Variants in UGT1A7 observed in about 807,000 individuals in gnomAD.
UGT1A7 encodes the protein UDP glucuronosyltransferase family 1 member A7, also known as UDP-glucuronosyltransferase 1A7.
In UGT1A7, 33 loss-of-function variants were observed where a neutral mutation model predicts 45.6. The ratio of observed to expected loss-of-function variants is 0.72; its 90% CI spans 0.55 to 0.97. The LOEUF (loss-of-function observed/expected upper bound fraction) is 0.97, where lower values mean the gene tolerates loss of function less well. Among genes scored for constraint, UGT1A7 ranks in the 50% least tolerant of loss-of-function variants. The pLI is 0.00. For synonymous variants in UGT1A7, 274 were observed against 250.6 expected (o/e 1.09, Z -0.88); for missense variants, 684 against 666.2 (o/e 1.03, Z -0.29).
chr2:233,734,937 T>C lies in UGT1A7; in HGVS notation c.856-32097T>C, dbSNP rs140853448. 9.9e-3 allele frequency among the ~76,000 whole-genome samples: 1,505 copies of C among 152,312 alleles called. 23 individuals are homozygous for C. Among genetic ancestry groups the C allele is most frequent in the African/African-American group, 0.035 (1,436 of 41,556 alleles). On this transcript the variant is annotated intron_variant, in intron 1 of 4. Coordinates refer to ENST00000373426, the MANE Select transcript of UGT1A7 (RefSeq NM_019077.3). ...CTAAGGAGTGCTTTACTTACAATCA[T>C]ATGGTCAGTTTTAGAATAAGTGTGA...
At chr2:233,747,366 C>A in intron 1 of UGT1A7, 1 of 1,604,318 alleles carries the variant, frequency 6.2e-7, no homozygotes, top group Non-Finnish European at 8.5e-7. Context: ...GCGGGAGCTC[C>A]ATGCCAGAGG....
At chr2:233,726,154 A>C (rs1401315695) in intron 1 of UGT1A7, among the ~76,000 whole-genome samples, 3 of 152,336 alleles carry the variant, frequency 2.0e-5, no homozygotes, top group Middle Eastern at 3.4e-3. Flanking sequence ...TGACAGAGTG[A>C]GGCCCCATTT....
chr2:233,724,298 C>A (rs1308100434), intron 1 of UGT1A7, among the ~76,000 whole-genome samples: 9 of 143,244 alleles, frequency 6.3e-5, no homozygotes, highest in South Asian at 2.4e-4. Context: ...CTGACCCCCC[C>A]ACCTCCCTCC....
chr2:233,717,022 C>A (rs889344581), intron 1 of UGT1A7, among the ~76,000 whole-genome samples: 1 of 152,198 alleles, frequency 6.6e-6, no homozygotes, highest in African/African-American at 2.4e-5. Context: ...AAGGCACCAC[C>A]ATCTTCCAAG....
chr2:233,702,649 G>C (rs2075698422), intron 1 of UGT1A7, among the ~76,000 whole-genome samples: 1 of 152,092 alleles, frequency 6.6e-6, no homozygotes, highest in African/African-American at 2.4e-5. Context: ...TCTATTCCTA[G>C]CTCGTTGAGT....
intron 1 of UGT1A7, among the ~76,000 whole-genome samples, chr2:233,724,340 A>G (rs1575552395): frequency 1.9e-5 from 2 of 104,210 alleles, no homozygotes; most frequent in Admixed American, 9.6e-5. Context: ...CGGGGGGCTG[A>G]CCCCCCCCAC....
intron 1 of UGT1A7, chr2:233,760,234 A>C: frequency 1.8e-6 from 2 of 1,136,914 alleles, no homozygotes; most frequent in South Asian, 2.9e-5. Flanking sequence ...GGTTTTTGCC[A>C]TATATATATA....
chr2:233,758,920 T>C (rs1318517296), intron 1 of UGT1A7, among the ~76,000 whole-genome samples: 3 of 152,264 alleles, frequency 2.0e-5, no homozygotes, highest in Non-Finnish European at 4.4e-5. Flanking sequence ...TGCTCATCTT[T>C]CCCTTTTGAC....
chr2:233,754,382 CAG>C (rs1431576597), intron 1 of UGT1A7: 1 of 288,696 alleles, frequency 3.5e-6, no homozygotes, highest in African/African-American at 2.2e-5. Flanking sequence ...GAAAGACAAA[CAG>C]AGGTCCTATC....
intron 1 of UGT1A7, chr2:233,739,055 G>T (rs995568574): frequency 1.3e-5 from 2 of 152,274 alleles, no homozygotes; most frequent in Admixed American, 6.5e-5. Context: ...TCAGGCCATT[G>T]CTTCAGAGGG....
Position 233,682,144 on chromosome 2 carries a change from A to T in UGT1A7, c.207A>T (p.Ser69=). ...MPEVSWQLGR[S]LNCTVKTYST... ...AGGTGAGTTGGCAACTGGGAAGATC[A>T]CTGAATTGCACAGTGAAGACTTACT... Residue 69 remains serine (S), a synonymous_variant, in exon 1 of 5, where the codon TCA becomes TCT. Coordinates refer to ENST00000373426, the MANE Select transcript of UGT1A7 (RefSeq NM_019077.3). The T allele has an allele frequency of 6.2e-7, 1 of 1,614,192 alleles. No individual in the cohort carries two copies. Among genetic ancestry groups the T allele is most frequent in the Non-Finnish European group, 8.5e-7 (1 of 1,180,018 alleles).
chr2:233,688,618 A>T (rs183545370), intron 1 of UGT1A7, among the ~76,000 whole-genome samples: 49 of 152,324 alleles, frequency 3.2e-4, no homozygotes, highest in Admixed American at 2.9e-3. Context: ...CTCAGCAAAC[A>T]TGAGTTCGTC....
At chr2:233,731,784 G>A (rs186887277) in intron 1 of UGT1A7, among the ~76,000 whole-genome samples, 133 of 152,162 alleles carry the variant, frequency 8.7e-4, no homozygotes, top group Non-Finnish European at 1.4e-3. Flanking sequence ...ATTTATAATC[G>A]TTTGGGTATA....
intron 1 of UGT1A7, chr2:233,729,737 A>G (rs1236365518): frequency 6.2e-7 from 1 of 1,613,842 alleles, no homozygotes; most frequent in East Asian, 2.2e-5. Flanking sequence ...AATTCAGACC[A>G]CATGACATTC....
chr2:233,742,531 TTTTG>T (rs1252535514), intron 1 of UGT1A7, among the ~76,000 whole-genome samples: 4 of 151,838 alleles, frequency 2.6e-5, no homozygotes, highest in African/African-American at 9.7e-5. Context: ...GCTGCAGAGA[TTTTG>T]TTTATGGCCA....
rs1481234082 is a variant in UGT1A7 at position 233,745,697 on chromosome 2, C to T, written c.856-21337C>T. Among the ~76,000 whole-genome samples the T allele has an allele frequency of 4.1e-5, 6 of 147,560 alleles. 1 individual carries two copies. Among genetic ancestry groups the T allele is most frequent in the East Asian group, 2.0e-4 (1 of 4,980 alleles). ...GGAACATCAAAGCAAGTTTGGAGAA[C>T]AACAAGTGATCCAGAATGGCTGGAG... is the stretch of plus-strand genomic sequence containing the variant. On this transcript the variant is annotated intron_variant, in intron 1 of 4. Coordinates refer to ENST00000373426, the MANE Select transcript of UGT1A7 (RefSeq NM_019077.3).
rs1430980091 is a variant in UGT1A7 at position 233,768,314 on chromosome 2, G to A, written c.1170G>A (p.Leu390=). ...CNGVPMVMMP[L]FGDQMDNAKR... is the part of the protein sequence containing the mutation. ...GCGTTCCCATGGTGATGATGCCCTTGTTTGGTGATCAGATGGACAATGCAA... is the reference window on the plus strand; with the variant it reads ...GCGTTCCCATGGTGATGATGCCCTTATTTGGTGATCAGATGGACAATGCAA... The change falls in exon 4 of 5, where the codon TTG becomes TTA. Residue 390 remains leucine (L), a synonymous_variant. Transcript: ENST00000373426. 1.9e-5 allele frequency: 31 copies of A among 1,614,180 alleles called. No homozygotes were observed. Among genetic ancestry groups the A allele is most frequent in the Non-Finnish European group, 2.6e-5 (31 of 1,180,040 alleles).
intron 1 of UGT1A7, among the ~76,000 whole-genome samples, chr2:233,759,599 A>ACCCCCCCCCCC (rs1553620419): frequency 8.2e-4 from 89 of 108,630 alleles, no homozygotes; most frequent in African/African-American, 1.6e-3. Context: ...CCCACCCCCG[A>ACCCCCCCCCCC]CCCGCCCCAC....
intron 1 of UGT1A7, among the ~76,000 whole-genome samples, chr2:233,740,339 A>G (rs1249228201): frequency 7.9e-5 from 12 of 151,952 alleles, no homozygotes; most frequent in Non-Finnish European, 1.5e-4. Flanking sequence ...GAGAAAGTTG[A>G]TGAGAAAGTG....
Sources: gnomAD v4.1 joint callset for allele counts (sites outside exome capture counted in the v4.1 genomes callset) on GRCh38, gnomAD v4.1.1 for gene constraint, MANE v1.5 for transcripts, NCBI Gene and HGNC (gene_info 2026-07-23, HGNC 2026-07-21) for gene names.